Variants in VARS1 observed in about 807,000 individuals in gnomAD.
The protein encoded by VARS1 is valine--tRNA ligase.
VARS1 carries 92 observed loss-of-function variants against 161.0 expected under a neutral mutation model. That is an observed-to-expected ratio of 0.57 (90% CI 0.48 to 0.68). The LOEUF (loss-of-function observed/expected upper bound fraction) is 0.68, where lower values mean the gene tolerates loss of function less well. Ranked by LOEUF, VARS1 falls within the 30% of genes least tolerant of loss-of-function variation. VARS1 has a pLI of 0.00. For synonymous variants in VARS1, 595 were observed against 682.5 expected (o/e 0.87, Z 2.00); for missense variants, 1,338 against 1,695.9 (o/e 0.79, Z 3.71).
chr6:31,792,787 A>G lies in VARS1; in HGVS notation c.631T>C (p.Ser211Pro), dbSNP rs770808419. 1 of 1,614,068 alleles carries G rather than the reference A, an allele frequency of 6.2e-7. No homozygotes were observed. The highest frequency in any genetic ancestry group is 1.3e-5 in the African/African-American group (1 of 74,914). The change falls in exon 4 of 30, where the codon TCA becomes CCA. Residue 211 changes from serine to proline, a missense_variant. Transcript: ENST00000375663. ...RAVLGEVVLY[S>P]GARPLSHQPG... is the part of the protein sequence containing the mutation. ...TGATGAGAGAGAGGCCTGGCTCCTGAGTATAGAACCACTTCTCCTAGCACG... is the reference window on the plus strand; with the variant it reads ...TGATGAGAGAGAGGCCTGGCTCCTGGGTATAGAACCACTTCTCCTAGCACG...
Position 31,784,800 on chromosome 6 carries a change from C to G in VARS1, c.1348-86G>C. 1 of 1,585,960 alleles carries G rather than the reference C, an allele frequency of 6.3e-7. No individual in the cohort carries two copies. The highest frequency in any genetic ancestry group is 8.6e-7 in the Non-Finnish European group (1 of 1,164,640). Reference sequence around the variant, plus strand: ...ACCCAGGGCTCCAGTGAGGCCTTGCCCATACAGAGTCCCACTGGCCAGCAC... The same window carrying G: ...ACCCAGGGCTCCAGTGAGGCCTTGCGCATACAGAGTCCCACTGGCCAGCAC... On this transcript the variant is annotated intron_variant, in intron 10 of 29. Transcript: ENST00000375663. The surrounding 1 kb of genome is among the most constrained non-coding windows in gnomAD (Gnocchi z 6.1).
rs1257556483 is a variant in VARS1, at chr6:31,779,144, A to T, written c.3549T>A (p.Asp1183Glu). ...PQGCAVALAS[D>E]RCSIHLQLQG... ...GAAGCTGCAGGTGGATGGAGCAGCG[A>T]TCAGAAGCCAGAGCCACAGCGCAAC... is the stretch of plus-strand genomic sequence containing the variant. The change falls in exon 29 of 30, where the codon GAT becomes GAA. Residue 1183 changes from aspartate (D) to glutamate (E), a missense_variant. Coordinates refer to ENST00000375663, the MANE Select transcript of VARS1 (RefSeq NM_006295.3). This position sits in a 1 kb window ranked among gnomAD's most constrained non-coding sequence, Gnocchi z 9.1. 1.9e-6 allele frequency: 3 copies of T among 1,605,720 alleles called. No homozygotes were observed. In the Admixed American group the frequency reaches 5.1e-5, roughly 27 times the overall value.
In VARS1 at chr6:31,781,781, A is replaced by T. The variant is rs930599654; in HGVS notation, c.2348-20T>A. On this transcript the variant is annotated intron_variant, in intron 19 of 29. Coordinates refer to ENST00000375663, the MANE Select transcript of VARS1 (RefSeq NM_006295.3). This position sits in a 1 kb window ranked among gnomAD's most constrained non-coding sequence, Gnocchi z 6.8. ...CCTCATCTGAGAGAGGCCAAAGGTC[A>T]GAGGTCAGAGGGAGTGGAGCTCTGC... is the stretch of plus-strand genomic sequence containing the variant. The T allele has an allele frequency of 3.1e-6, 5 of 1,613,042 alleles. No individual in the cohort carries two copies. The highest frequency in any genetic ancestry group is 3.4e-6 in the Non-Finnish European group (4 of 1,180,012).
At position 31,784,364 on chromosome 6, in the gene VARS1, G is replaced by A; in HGVS notation, c.1576+30C>T. ...CCTTGGCCCCTTCCTGCCACTCCCA[G>A]CCCAGGATCCTGGTGCCCCTGGCTC... On this transcript the variant is annotated intron_variant, in intron 12 of 29. Coordinates refer to ENST00000375663, the MANE Select transcript of VARS1 (RefSeq NM_006295.3). The surrounding 1 kb of genome is among the most constrained non-coding windows in gnomAD (Gnocchi z 6.1). 6.2e-7 allele frequency: 1 copy of A among 1,614,158 alleles called. No individual in the cohort carries two copies. The highest frequency in any genetic ancestry group is 8.5e-7 in the Non-Finnish European group (1 of 1,180,028).
At chr6:31,788,237 C>T (rs987087463) in intron 8 of VARS1, among the ~76,000 whole-genome samples, 6 of 152,136 alleles carry the variant, frequency 3.9e-5, no homozygotes, top group African/African-American at 1.4e-4. Flanking sequence ...CGAAGTGGCT[C>T]ATGCCTGTCA....
rs1431262169 is a variant in VARS1 at position 31,781,911 on chromosome 6, C to T, written c.2283G>A (p.Ala761=). ...CCTTGGCTGCCTTCTCCCGGGCCTC[C>T]GCCTCATTGCGTCCACTCACCCAGT... ...GRYWVSGRNE[A]EAREKAAKEF... is the part of the protein sequence containing the mutation. Residue 761 remains alanine, a synonymous_variant, in exon 19 of 30, where the codon GCG becomes GCA. Transcript: ENST00000375663. This position sits in a 1 kb window ranked among gnomAD's most constrained non-coding sequence, Gnocchi z 6.8. 3.1e-6 allele frequency: 5 copies of T among 1,612,838 alleles called. No individual in the cohort carries two copies. Among genetic ancestry groups the T allele is most frequent in the East Asian group, 2.2e-5 (1 of 44,894 alleles).
At position 31,781,359 on chromosome 6, in the gene VARS1, GC is replaced by G; in HGVS notation, c.2544+121del. The G allele has an allele frequency of 2.8e-6, 4 of 1,443,654 alleles. No individual in the cohort carries two copies. The highest frequency in any genetic ancestry group is 2.8e-6 in the Non-Finnish European group (3 of 1,081,086). The allele number at this position is 1,443,654 out of a possible 1,614,324, so 89.4% of individuals were successfully genotyped here. ...CAGGCTGGATTTCAACCCCACACCA[GC>G]CCCCGGGTCAGGCCTGCCCACAGCT... On this transcript the variant is annotated intron_variant, in intron 21 of 29. Transcript: ENST00000375663. This position sits in a 1 kb window ranked among gnomAD's most constrained non-coding sequence, Gnocchi z 6.8.
Position 31,781,524 on chromosome 6 carries a change from A to C in VARS1, c.2501T>G (p.Val834Gly). Residue 834 changes from valine (V) to glycine (G), a missense_variant, in exon 21 of 30, where the codon GTC becomes GGC. Physicochemically the swap from Val to Gly is moderately radical, Grantham distance 109 (BLOSUM62 -3). Transcript: ENST00000375663. The surrounding 1 kb of genome is among the most constrained non-coding windows in gnomAD (Gnocchi z 6.8). Reference sequence around the variant, plus strand: ...GCCCGTGAGCTTCAGGCCCAGCATGACCATCCGGGCCACCCAGAAGAAGAG... The same window carrying C: ...GCCCGTGAGCTTCAGGCCCAGCATGCCCATCCGGGCCACCCAGAAGAAGAG... ...DILFFWVARM[V>G]MLGLKLTGRL... 1.2e-6 allele frequency: 2 copies of C among 1,612,930 alleles called. No homozygotes were observed. The highest frequency in any genetic ancestry group is 1.7e-6 in the Non-Finnish European group (2 of 1,179,976).
In VARS1 at chr6:31,791,782, CT is replaced by C; in HGVS notation, c.973-46del. On this transcript the variant is annotated intron_variant, in intron 7 of 29. Coordinates refer to ENST00000375663, the MANE Select transcript of VARS1 (RefSeq NM_006295.3). The surrounding 1 kb of genome is among the most constrained non-coding windows in gnomAD (Gnocchi z 5.0). ...GCACATGTTTAAGGCCTCAGGTCAC[CT>C]CTCCCAGCCCCTCCCAGGCAACACA... is the stretch of plus-strand genomic sequence containing the variant. 6.2e-7 allele frequency: 1 copy of C among 1,613,010 alleles called. No individual in the cohort carries two copies. The highest frequency in any genetic ancestry group is 8.5e-7 in the Non-Finnish European group (1 of 1,180,018).
chr6:31,792,552 T>C lies in VARS1; in HGVS notation c.662-36A>G, dbSNP rs766084135. On this transcript the variant is annotated intron_variant, in intron 4 of 29. Transcript: ENST00000375663. Reference sequence around the variant, plus strand: ...GTGCAGAAATTCAGACTCAGCCAGCTGGGGACCCTCTTGGACGGCCATACT... The same window carrying C: ...GTGCAGAAATTCAGACTCAGCCAGCCGGGGACCCTCTTGGACGGCCATACT... 19 of 1,613,510 alleles carry C rather than the reference T, an allele frequency of 1.2e-5. No individual in the cohort carries two copies. In the South Asian group the frequency reaches 1.8e-4, roughly 15 times the overall value.
In VARS1 at chr6:31,785,951, AC is replaced by A. The variant is rs1813474421; in HGVS notation, c.1101-219del. The stretch of plus-strand genomic sequence containing the variant: ...AGATGAGCCTGGCCAACATGGTAAA[AC>A]CCCGTCTCTACTAAAAATACAAAAT... On this transcript the variant is annotated intron_variant, in intron 8 of 29. Coordinates refer to ENST00000375663, the MANE Select transcript of VARS1 (RefSeq NM_006295.3). The surrounding 1 kb of genome is among the most constrained non-coding windows in gnomAD (Gnocchi z 6.1). 1.3e-5 allele frequency among the ~76,000 whole-genome samples: 2 copies of A among 151,462 alleles called. No homozygotes were observed. The highest frequency in any genetic ancestry group is 6.6e-5 in the Admixed American group (1 of 15,190).
rs1159322646 is a variant in VARS1, at chr6:31,781,308, G to T, written c.2544+173C>A. The T allele has an allele frequency of 4.1e-6, 5 of 1,229,064 alleles. No homozygotes were observed. Among genetic ancestry groups the T allele is most frequent in the Non-Finnish European group, 5.6e-6 (5 of 890,718 alleles). 76.1% of individuals were successfully genotyped at this position (1,229,064 alleles called of 1,614,324 possible). On this transcript the variant is annotated intron_variant, in intron 21 of 29. Coordinates refer to ENST00000375663, the MANE Select transcript of VARS1 (RefSeq NM_006295.3). The surrounding 1 kb of genome is among the most constrained non-coding windows in gnomAD (Gnocchi z 6.8). ...CCTTCCTCTGGGAAGATGAAGCCCT[G>T]GGCACAGGAATCACTGAGCAGGGCC...
rs1340784072 is a variant in VARS1, at chr6:31,792,991, G to A, written c.517C>T (p.Arg173Ter). 26 of 1,613,508 alleles carry A rather than the reference G, an allele frequency of 1.6e-5. No individual in the cohort carries two copies. The highest frequency in any genetic ancestry group is 4.0e-5 in the African/African-American group (3 of 74,932). ...AAVTALLLPF[R>*]YVLDPPARRI... is the part of the protein sequence containing the mutation. ...CCCCAGGCCTGGTGACTCACGTATC[G>A]GAAAGGCAGCAGCAAGGCTGTGACA... is the stretch of plus-strand genomic sequence containing the variant. Residue 173 changes from arginine (R) to a stop codon, truncating the protein, a stop_gained, in exon 3 of 30, where the codon CGA becomes TGA. Transcript: ENST00000375663. LOFTEE classifies it high-confidence loss of function.
rs1468822655 is a variant in VARS1 at position 31,791,284 on chromosome 6, G to A, written c.1100+326C>T. Among the ~76,000 whole-genome samples the A allele has an allele frequency of 1.3e-5, 2 of 152,116 alleles. No homozygotes were observed. The highest frequency in any genetic ancestry group is 2.9e-5 in the Non-Finnish European group (2 of 68,034). On this transcript the variant is annotated intron_variant, in intron 8 of 29. Coordinates refer to ENST00000375663, the MANE Select transcript of VARS1 (RefSeq NM_006295.3). This position sits in a 1 kb window ranked among gnomAD's most constrained non-coding sequence, Gnocchi z 5.0. Reference sequence around the variant, plus strand: ...CCCAGCACTCTGGGAGTCTGAGACAGGAGAATCACTTGAGCCAGGAGTTGG... The same window carrying A: ...CCCAGCACTCTGGGAGTCTGAGACAAGAGAATCACTTGAGCCAGGAGTTGG...
Position 31,784,644 on chromosome 6 carries a change from C to T in VARS1, c.1418G>A (p.Arg473His), listed in dbSNP as rs371361977. ...HEEGIIYRSTRLVNWSCTLNS... is the reference protein window; with the variant it reads ...HEEGIIYRSTHLVNWSCTLNS... ...GAGGGTGCAGGACCAGTTAACAAGG[C>T]GGGTACTGCGATAGATGATGCCTTC... The change falls in exon 11 of 30, where the codon CGC (arginine) becomes CAC (histidine). Residue 473 changes from arginine to histidine, a missense_variant. By Grantham distance (29) the Arg-to-His change is conservative. Transcript: ENST00000375663. The surrounding 1 kb of genome is among the most constrained non-coding windows in gnomAD (Gnocchi z 6.1). 2.5e-5 allele frequency: 40 copies of T among 1,612,926 alleles called. No homozygotes were observed. Among genetic ancestry groups the T allele is most frequent in the African/African-American group, 1.1e-4 (8 of 74,906 alleles).
Position 31,778,930 on chromosome 6 carries a change from G to A in VARS1, c.3726+37C>T, listed in dbSNP as rs1310262647. 1 of 1,612,208 alleles carries A rather than the reference G, an allele frequency of 6.2e-7. No individual in the cohort carries two copies. The highest frequency in any genetic ancestry group is 8.5e-7 in the Non-Finnish European group (1 of 1,179,402). ...CCAGACCAGGGTTTTGATGGAGGAA[G>A]GGGATGGTGTGGGAAATGCCCACCC... On this transcript the variant is annotated intron_variant, in intron 29 of 29. Transcript: ENST00000375663. This position sits in a 1 kb window ranked among gnomAD's most constrained non-coding sequence, Gnocchi z 5.1.
At position 31,792,391 on chromosome 6, in the gene VARS1, C is replaced by G. The variant is rs1476055360; in HGVS notation, c.786+1G>C. Reference sequence around the variant, plus strand: ...TCCTTCCAGCTCCACCCTCGCCTCACCTCCCCTGGAGGTGGCTGCTGCTGT... The same window carrying G: ...TCCTTCCAGCTCCACCCTCGCCTCAGCTCCCCTGGAGGTGGCTGCTGCTGT... On this transcript the variant is annotated splice_donor_variant, in intron 5 of 29. Transcript: ENST00000375663. LOFTEE classifies it high-confidence loss of function. The G allele has an allele frequency of 1.2e-6, 2 of 1,613,946 alleles. No homozygotes were observed. Among genetic ancestry groups the G allele is most frequent in the Non-Finnish European group, 8.5e-7 (1 of 1,180,026 alleles).
rs575080628 is a variant in VARS1, at chr6:31,789,988, GC to G, written c.1100+1621del. ...GGAGCTTGCAGTGAGCCGAGACTGT[GC>G]CACTGCACTCCAGCCTGGGTGACAG... is the stretch of plus-strand genomic sequence containing the variant. On this transcript the variant is annotated intron_variant, in intron 8 of 29. Transcript: ENST00000375663. Among the ~76,000 whole-genome samples, 159 of 151,724 alleles carry G rather than the reference GC, an allele frequency of 1.0e-3. 4 individuals are homozygous for G. In the South Asian group the frequency reaches 0.03, roughly 29 times the overall value.
Position 31,785,333 on chromosome 6 carries a change from A to C in VARS1, c.1266-6T>G. The C allele has an allele frequency of 6.2e-7, 1 of 1,613,060 alleles. No individual in the cohort carries two copies. Among genetic ancestry groups the C allele is most frequent in the Non-Finnish European group, 8.5e-7 (1 of 1,180,018 alleles). ...GGTAAATCCGGTCACCTTTCCTGGA[A>C]GCAGACAGGCTGAGGTCAGCACTCG... On this transcript the variant is annotated splice_polypyrimidine_tract_variant and splice_region_variant and intron_variant, in intron 9 of 29. Coordinates refer to ENST00000375663, the MANE Select transcript of VARS1 (RefSeq NM_006295.3). The surrounding 1 kb of genome is among the most constrained non-coding windows in gnomAD (Gnocchi z 6.1).
Sources: allele counts gnomAD v4.1 joint callset (sites outside exome capture counted in the v4.1 genomes callset), GRCh38; gene constraint gnomAD v4.1.1; non-coding constraint Gnocchi (gnomAD v3.1); transcripts MANE v1.5; gene names NCBI Gene and HGNC (gene_info 2026-07-23, HGNC 2026-07-21).